The following KCNIP1 variants were observed in gnomAD, a reference collection of about 807,000 sequenced individuals.
The protein encoded by KCNIP1 is A-type potassium channel modulatory protein KCNIP1.
Under a neutral mutation model 33.0 loss-of-function variants are expected in KCNIP1, and 18 were observed. The ratio of observed to expected loss-of-function variants is 0.55; its 90% CI spans 0.38 to 0.81. The LOEUF is 0.81. KCNIP1 is among the 30% of genes least tolerant of loss of function. KCNIP1 has a pLI of 0.00. For synonymous variants in KCNIP1, 93 were observed against 98.3 expected (o/e 0.95, Z 0.32); for missense variants, 238 against 271.6 (o/e 0.88, Z 0.87).
At chr5:170,683,959 G>A (rs552389849) in intron 1 of KCNIP1, among the ~76,000 whole-genome samples, 1 of 151,250 alleles carries the variant, frequency 6.6e-6, no homozygotes, top group South Asian at 2.1e-4. Context: ...GTTTCACCAT[G>A]TTGCCCAGGG....
At chr5:170,381,141 C>T (rs1311318913) in intron 1 of KCNIP1, among the ~76,000 whole-genome samples, 2 of 152,206 alleles carry the variant, frequency 1.3e-5, no homozygotes, top group African/African-American at 4.8e-5. Context: ...CAGGGTTCCT[C>T]TGGATCTTTT....
intron 1 of KCNIP1, among the ~76,000 whole-genome samples, chr5:170,646,322 C>T (rs1760782691): frequency 1.3e-5 from 2 of 152,128 alleles, no homozygotes; most frequent in Admixed American, 1.3e-4. Context: ...CTCTCATGAA[C>T]ATAGATGCAA....
chr5:170,611,692 C>A (rs1759161222), intron 1 of KCNIP1, among the ~76,000 whole-genome samples: 1 of 152,214 alleles, frequency 6.6e-6, no homozygotes, highest in African/African-American at 2.4e-5. Flanking sequence ...AAAGGGTAAC[C>A]TCTTCCTGAC....
At position 170,602,074 on chromosome 5, in the gene KCNIP1, C is replaced by T. The variant is rs547291590; in HGVS notation, c.61+97441C>T. Among the ~76,000 whole-genome samples the T allele has an allele frequency of 4.8e-4, 73 of 152,340 alleles. 2 individuals carry two copies. In the South Asian group the frequency reaches 0.014, roughly 30 times the overall value. On this transcript the variant is annotated intron_variant, in intron 1 of 7. Coordinates refer to ENST00000328939, the MANE Select transcript of KCNIP1 (RefSeq NM_014592.4). Reference sequence around the variant, plus strand: ...GAGACCCTAGAATCCCAGTGGCCATCACCCCACAGCACATGCCAACCTTTC... The same window carrying T: ...GAGACCCTAGAATCCCAGTGGCCATTACCCCACAGCACATGCCAACCTTTC...
At chr5:170,546,186 G>A (rs552443394) in intron 1 of KCNIP1, among the ~76,000 whole-genome samples, 1 of 152,328 alleles carries the variant, frequency 6.6e-6, no homozygotes, top group African/African-American at 2.4e-5. Flanking sequence ...AAGAGATTCA[G>A]TCCTGCTCTT....
At chr5:170,421,344 A>C (rs1755485567) in intron 1 of KCNIP1, among the ~76,000 whole-genome samples, 1 of 152,232 alleles carries the variant, frequency 6.6e-6, no homozygotes, top group South Asian at 2.1e-4. Context: ...TGGTTGTGTG[A>C]AGGGCTTCTC....
intron 1 of KCNIP1, among the ~76,000 whole-genome samples, chr5:170,534,647 T>C (rs1755907111): frequency 6.6e-6 from 1 of 151,998 alleles, no homozygotes; most frequent in Non-Finnish European, 1.5e-5. Flanking sequence ...ACCTCCCAAG[T>C]AGCTGGGACC....
At position 170,624,727 on chromosome 5, in the gene KCNIP1, G is replaced by GGGGGGT. The variant is rs1287768242; in HGVS notation, c.62-94030_62-94029insGGGGTG. 1.1e-4 allele frequency among the ~76,000 whole-genome samples: 11 copies of GGGGGGT among 97,440 alleles called. No individual in the cohort carries two copies. The South Asian group carries it at 1.5e-3, about 13-fold the overall frequency. The allele number at this position is 97,440 out of a possible 152,430, so 63.9% of individuals were successfully genotyped here. A position where few individuals can be genotyped will look rare whatever the true frequency, so the allele number is the denominator to read the frequency against. ...AGGGGAGGAGAGGAAAGGAGACCGG[G>GGGGGGT]GAGGTGGGGGGGGAGAGGGGAGGGG... is the stretch of plus-strand genomic sequence containing the variant. On this transcript the variant is annotated intron_variant, in intron 1 of 7. Transcript: ENST00000328939.
At chr5:170,470,462 A>T (rs1220205964) in intron 1 of KCNIP1, among the ~76,000 whole-genome samples, 1 of 151,986 alleles carries the variant, frequency 6.6e-6, no homozygotes, top group African/African-American at 2.4e-5. Flanking sequence ...GGGTCTGCCC[A>T]CCCGGCACAG....
At chr5:170,629,228 C>T (rs111939501) in intron 1 of KCNIP1, among the ~76,000 whole-genome samples, 2,244 of 152,218 alleles carry the variant, frequency 0.015, 59 homozygotes, top group African/African-American at 0.049. Flanking sequence ...CTGTAAGGGA[C>T]GGGGTGCAGG....
At chr5:170,719,894 T>A (rs1306514158) in intron 2 of KCNIP1, among the ~76,000 whole-genome samples, 10 of 148,418 alleles carry the variant, frequency 6.7e-5, no homozygotes, top group Admixed American at 6.7e-4. Flanking sequence ...GGGAACAGCA[T>A]CCAGAAAAGA....
intron 1 of KCNIP1, among the ~76,000 whole-genome samples, chr5:170,538,113 C>G (rs574722290): frequency 1.2e-4 from 18 of 152,316 alleles, no homozygotes; most frequent in Admixed American, 2.6e-4. Context: ...AAAACTGAGG[C>G]TCTGAGAAGG....
chr5:170,620,004 A>C (rs1243325025), intron 1 of KCNIP1, among the ~76,000 whole-genome samples: 1 of 152,214 alleles, frequency 6.6e-6, no homozygotes, highest in Non-Finnish European at 1.5e-5. Context: ...GTTTGGACCC[A>C]TAGTCCACCA....
intron 1 of KCNIP1, among the ~76,000 whole-genome samples, chr5:170,602,187 T>C (rs1305493758): frequency 1.3e-5 from 2 of 152,196 alleles, no homozygotes; most frequent in Admixed American, 6.5e-5. Flanking sequence ...GGACAGTAAG[T>C]CAGTCAACAC....
At chr5:170,543,147 A>G (rs1308712132) in intron 1 of KCNIP1, among the ~76,000 whole-genome samples, 7 of 152,166 alleles carry the variant, frequency 4.6e-5, no homozygotes, top group African/African-American at 1.7e-4. Flanking sequence ...CCACCTCTCA[A>G]CACCACTGCA....
At chr5:170,538,652 A>G (rs1427871940) in intron 1 of KCNIP1, among the ~76,000 whole-genome samples, 1 of 151,680 alleles carries the variant, frequency 6.6e-6, no homozygotes, top group African/African-American at 2.4e-5. Context: ...GGGGATGCAT[A>G]ATGAGACCCA....
intron 1 of KCNIP1, among the ~76,000 whole-genome samples, chr5:170,391,451 C>A (rs956250788): frequency 2.6e-5 from 4 of 152,228 alleles, no homozygotes; most frequent in East Asian, 3.8e-4. Context: ...ATTGACAAGC[C>A]CTGTCCTCGA....
chr5:170,597,820 T>TATATGAAA (rs1554103534), intron 1 of KCNIP1, among the ~76,000 whole-genome samples: 48 of 56,352 alleles, frequency 8.5e-4, no homozygotes, highest in South Asian at 7.1e-3. Flanking sequence ...TATATATATA[T>TATATGAAA]ATATATATAT....
intron 1 of KCNIP1, among the ~76,000 whole-genome samples, chr5:170,432,428 A>G (rs956252104): frequency 1.3e-5 from 2 of 152,220 alleles, no homozygotes; most frequent in African/African-American, 4.8e-5. Context: ...AATCATCTTG[A>G]TTATTAAAAA....
Sources: gnomAD v4.1 joint callset for allele counts (sites outside exome capture counted in the v4.1 genomes callset) on GRCh38, gnomAD v4.1.1 for gene constraint, MANE v1.5 for transcripts, NCBI Gene and HGNC (gene_info 2026-07-23, HGNC 2026-07-21) for gene names.